QTMAN: variants seen among roughly 807,000 people sequenced by gnomAD.
QTMAN encodes tRNA-queuosine alpha-mannosyltransferase.
At chr2:144,083,427 C>T in the QTMAN span, among the ~76,000 whole-genome samples, 17 of 152,286 alleles carry the variant, frequency 1.1e-4, no homozygotes, top group South Asian at 3.5e-3. Flanking sequence ...ACTGCCAGTG[C>T]CACAGGGAAG....
At chr2:144,188,676 G>A in the QTMAN span, among the ~76,000 whole-genome samples, 7 of 151,984 alleles carry the variant, frequency 4.6e-5, no homozygotes, top group Middle Eastern at 3.4e-3. Context: ...TGTCTCTGTC[G>A]CACCTAGAGA....
chr2:144,252,775 T>G, the QTMAN span, among the ~76,000 whole-genome samples: 1 of 152,142 alleles, frequency 6.6e-6, no homozygotes, highest in Non-Finnish European at 1.5e-5. Flanking sequence ...AAAACTTACA[T>G]ACATGCAAAA....
At chr2:144,234,185 G>A in the QTMAN span, among the ~76,000 whole-genome samples, 1 of 152,042 alleles carries the variant, frequency 6.6e-6, no homozygotes, top group Admixed American at 6.6e-5. Flanking sequence ...AATGTTTAAA[G>A]AATTAAACCA....
chr2:144,332,202 G>A, the QTMAN span, among the ~76,000 whole-genome samples: 1 of 151,794 alleles, frequency 6.6e-6, no homozygotes, highest in Non-Finnish European at 1.5e-5. Context: ...TTCCGAGCGC[G>A]GTGCGGACGG....
At chr2:144,178,838 G>A in the QTMAN span, 1 of 356,696 alleles carries the variant, frequency 2.8e-6, no homozygotes, top group South Asian at 2.2e-5. Flanking sequence ...GAGTCACCAA[G>A]GAGCTTCTTT....
At chr2:144,109,202 G>C in the QTMAN span, among the ~76,000 whole-genome samples, 1 of 152,114 alleles carries the variant, frequency 6.6e-6, no homozygotes, top group Non-Finnish European at 1.5e-5. Flanking sequence ...CAGAGAAATA[G>C]ACCAATGTAA....
the QTMAN span, among the ~76,000 whole-genome samples, chr2:144,000,097 G>C: frequency 1.3e-5 from 2 of 151,998 alleles, no homozygotes; most frequent in Non-Finnish European, 2.9e-5. Context: ...TCATAAATGG[G>C]ATTCTGGTGA....
At chr2:144,331,322 G>C in the QTMAN span, among the ~76,000 whole-genome samples, 1 of 152,120 alleles carries the variant, frequency 6.6e-6, no homozygotes, top group South Asian at 2.1e-4. Flanking sequence ...GAAGCCAATA[G>C]AATGGCTCTA....
At chr2:144,315,981 A>G in the QTMAN span, among the ~76,000 whole-genome samples, 1 of 152,268 alleles carries the variant, frequency 6.6e-6, no homozygotes, top group East Asian at 1.9e-4. Context: ...ATATCTCAAA[A>G]AACATAACCA....
the QTMAN span, among the ~76,000 whole-genome samples, chr2:144,243,261 TTCTAAC>T: frequency 3.3e-5 from 5 of 152,196 alleles, no homozygotes; most frequent in Non-Finnish European, 5.9e-5. Flanking sequence ...CATCTAAGGT[TTCTAAC>T]TCTGTCAATG....
the QTMAN span, among the ~76,000 whole-genome samples, chr2:144,100,168 T>C: frequency 6.6e-6 from 1 of 152,104 alleles, no homozygotes; most frequent in Non-Finnish European, 1.5e-5. Context: ...GAAATGGGAG[T>C]GTATTAAGCT....
At chr2:144,086,120 T>C in the QTMAN span, among the ~76,000 whole-genome samples, 1 of 152,156 alleles carries the variant, frequency 6.6e-6, no homozygotes, top group Non-Finnish European at 1.5e-5. Flanking sequence ...ATTGGTTTTC[T>C]TGCTGTTAAA....
At chr2:144,063,197 G>C in the QTMAN span, among the ~76,000 whole-genome samples, 1 of 152,160 alleles carries the variant, frequency 6.6e-6, no homozygotes, top group Non-Finnish European at 1.5e-5. Context: ...TCTGATGACA[G>C]GGCTGGATTA....
the QTMAN span, chr2:143,939,676 A>G: frequency 1.3e-5 from 2 of 152,184 alleles, no homozygotes; most frequent in Non-Finnish European, 2.9e-5. Context: ...GAATTCTGTA[A>G]TAAATCCCTG....
chr2:144,089,727 C>T, the QTMAN span, among the ~76,000 whole-genome samples: 1 of 151,854 alleles, frequency 6.6e-6, no homozygotes, highest in African/African-American at 2.4e-5. Context: ...AAAGTTTGAT[C>T]ACATGGAGGT....
At chr2:144,294,601 A>G in the QTMAN span, 2 of 151,042 alleles carry the variant, frequency 1.3e-5, no homozygotes, top group Non-Finnish European at 2.9e-5. Context: ...AGGATGTTTC[A>G]TTTTGTGTGT....
chr2:144,197,323 A>G, the QTMAN span, among the ~76,000 whole-genome samples: 1 of 151,394 alleles, frequency 6.6e-6, no homozygotes, highest in Non-Finnish European at 1.5e-5. Context: ...GTGTGTGTAT[A>G]TATATATATA....
chr2:144,085,259 T>C, the QTMAN span, among the ~76,000 whole-genome samples: 1 of 152,264 alleles, frequency 6.6e-6, no homozygotes, highest in Non-Finnish European at 1.5e-5. Flanking sequence ...GGCCAGCCCC[T>C]GGCCATAGTT....
At chr2:144,287,893 TCGCCAGGCTGGA>T in the QTMAN span, among the ~76,000 whole-genome samples, 1 of 152,222 alleles carries the variant, frequency 6.6e-6, no homozygotes, top group South Asian at 2.1e-4. Flanking sequence ...TCTCGCTCTG[TCGCCAGGCTGGA>T]GTGCAGTGGT....
Sources: allele counts gnomAD v4.1 joint callset (sites outside exome capture counted in the v4.1 genomes callset), GRCh38; gene constraint gnomAD v4.1.1; transcripts MANE v1.5; gene names NCBI Gene and HGNC (gene_info 2026-07-23, HGNC 2026-07-21).